The following MAST4 variants were observed in gnomAD, a reference collection of about 807,000 sequenced individuals.
The protein encoded by MAST4 is microtubule associated serine/threonine kinase family member 4.
MAST4 carries 89 observed loss-of-function variants against 162.7 expected under a neutral mutation model. That is an observed-to-expected ratio of 0.55 (90% CI 0.46 to 0.65). MAST4 has a LOEUF of 0.65. MAST4 is among the 30% of genes least tolerant of loss of function. The probability of loss-of-function intolerance (pLI) is 0.00; values close to 1 mark genes in which losing one functional copy is unlikely to be tolerated. For synonymous variants in MAST4, 1,479 were observed against 1,361.1 expected (o/e 1.09, Z -1.91); for missense variants, 3,153 against 3,374.0 (o/e 0.93, Z 1.62).
rs572999154 is a variant in MAST4 at position 66,779,514 on chromosome 5, A to G, written c.518-9156A>G. Among the ~76,000 whole-genome samples the G allele has an allele frequency of 2.0e-5, 3 of 151,740 alleles. No individual in the cohort carries two copies. In the South Asian group the frequency reaches 6.2e-4, roughly 32 times the overall value. Reference sequence around the variant, plus strand: ...TCAAATTGTATCCATTTATGCCATTAAGAAGAGTGATTTAGCAGCATTGTT... The same window carrying G: ...TCAAATTGTATCCATTTATGCCATTGAGAAGAGTGATTTAGCAGCATTGTT... On this transcript the variant is annotated intron_variant, in intron 2 of 28. Transcript: ENST00000403625.
chr5:66,634,903 C>T (rs16895357), intron 1 of MAST4, among the ~76,000 whole-genome samples: 13,698 of 152,228 alleles, frequency 0.09, 960 homozygotes, highest in East Asian at 0.43. Context: ...GGACAGTGCT[C>T]TTCAGGGCTC....
At chr5:66,987,711 G>A (rs1257268903) in intron 4 of MAST4, among the ~76,000 whole-genome samples, 1 of 152,042 alleles carries the variant, frequency 6.6e-6, no homozygotes, top group Non-Finnish European at 1.5e-5. Context: ...TCAAATATTT[G>A]GTTTGGTAGG....
At chr5:67,106,585 C>T (rs1765620958) in intron 10 of MAST4, among the ~76,000 whole-genome samples, 1 of 152,182 alleles carries the variant, frequency 6.6e-6, no homozygotes, top group African/African-American at 2.4e-5. Flanking sequence ...CCAGCTCAGA[C>T]CCTCATCCTC....
intron 4 of MAST4, among the ~76,000 whole-genome samples, chr5:66,995,003 A>G (rs1232927720): frequency 6.6e-6 from 1 of 152,236 alleles, no homozygotes; most frequent in East Asian, 1.9e-4. Flanking sequence ...TGACACATAT[A>G]TTCAAACAAA....
At chr5:67,105,756 C>A (rs553532237) in intron 10 of MAST4, among the ~76,000 whole-genome samples, 3 of 152,150 alleles carry the variant, frequency 2.0e-5, no homozygotes, top group Non-Finnish European at 4.4e-5. Flanking sequence ...CACGTGCTTA[C>A]GCTTAAAATT....
intron 1 of MAST4, among the ~76,000 whole-genome samples, chr5:66,660,966 T>C (rs1746869023): frequency 6.6e-6 from 1 of 152,230 alleles, no homozygotes; most frequent in African/African-American, 2.4e-5. Flanking sequence ...TCAATATTAA[T>C]GCTTTGCTAA....
chr5:67,066,784 G>A (rs913897866), intron 5 of MAST4, among the ~76,000 whole-genome samples: 9 of 152,118 alleles, frequency 5.9e-5, no homozygotes, highest in African/African-American at 2.2e-4. Flanking sequence ...TATTTGTGTT[G>A]TTGGGCTTTC....
At chr5:66,674,322 C>G (rs1159766422) in intron 1 of MAST4, among the ~76,000 whole-genome samples, 3 of 152,200 alleles carry the variant, frequency 2.0e-5, no homozygotes, top group African/African-American at 7.2e-5. Flanking sequence ...CAACCACCTG[C>G]TGTTTGCTGT....
intron 1 of MAST4, among the ~76,000 whole-genome samples, chr5:66,648,185 C>T (rs1300702663): frequency 1.3e-5 from 2 of 151,668 alleles, no homozygotes; most frequent in African/African-American, 4.8e-5. Context: ...AATCACAATT[C>T]TGAAGCTGCT....
intron 1 of MAST4, among the ~76,000 whole-genome samples, chr5:66,745,987 G>A (rs1580348981): frequency 6.6e-6 from 1 of 152,172 alleles, no homozygotes; most frequent in East Asian, 1.9e-4. Flanking sequence ...TAGGCAGTAG[G>A]TTGTGGGTGT....
intron 1 of MAST4, among the ~76,000 whole-genome samples, chr5:66,729,648 A>G (rs909468593): frequency 4.6e-5 from 7 of 152,310 alleles, no homozygotes; most frequent in African/African-American, 1.2e-4. Context: ...CCTGACTTGC[A>G]TAATGTTCTG....
rs948541578 is a variant in MAST4, at chr5:67,163,624, G to T, written c.4445G>T (p.Arg1482Leu). Residue 1482 changes from arginine to leucine, a missense_variant, in exon 29 of 29, where the codon CGG becomes CTG. This residue lies in a region of MAST4 where 1,644 missense variants were observed against 1,495.0 expected (regional missense o/e 1.10). Coordinates refer to ENST00000403625, the MANE Select transcript of MAST4 (RefSeq NM_001164664.2). This position sits in a 1 kb window ranked among gnomAD's most constrained non-coding sequence, Gnocchi z 7.0. Reference protein sequence around the residue: ...QEEVQREQSQREAPLQSLDEN... With the variant: ...QEEVQREQSQLEAPLQSLDEN... ...GAGGTGCAGCGGGAGCAGTCCCAGC[G>T]GGAGGCGCCGCTGCAGAGCCTGGAT... 1.2e-6 allele frequency: 2 copies of T among 1,604,538 alleles called. No homozygotes were observed. The highest frequency in any genetic ancestry group is 8.5e-7 in the Non-Finnish European group (1 of 1,176,178).
Position 67,102,579 on chromosome 5 carries a change from A to T in MAST4, c.1114A>T (p.Met372Leu). ...CTGCTGTGACCATGAAATAATTATGATGAACCATGTCTACAAAGAAAGGTT... is the reference window on the plus strand; with the variant it reads ...CTGCTGTGACCATGAAATAATTATGTTGAACCATGTCTACAAAGAAAGGTT... Reference protein sequence around the residue: ...PACCDHEIIMMNHVYKERFPK... With the variant: ...PACCDHEIIMLNHVYKERFPK... The change falls in exon 9 of 29, where the codon ATG becomes TTG. Residue 372 changes from methionine to leucine, a missense_variant. Physicochemically the swap from Met to Leu is conservative, Grantham distance 15. Around this residue, in one of 7 missense-constraint regions of MAST4, gnomAD observed 360 missense variants for 450.0 expected, o/e 0.80. Transcript: ENST00000403625. The T allele has an allele frequency of 6.2e-7, 1 of 1,614,004 alleles. No individual in the cohort carries two copies. The highest frequency in any genetic ancestry group is 8.5e-7 in the Non-Finnish European group (1 of 1,179,852).
At chr5:66,707,557 T>C (rs1750216054) in intron 1 of MAST4, among the ~76,000 whole-genome samples, 1 of 152,246 alleles carries the variant, frequency 6.6e-6, no homozygotes, top group African/African-American at 2.4e-5. Flanking sequence ...GTTGGCTCTC[T>C]TCTCTCTTTA....
intron 1 of MAST4, among the ~76,000 whole-genome samples, chr5:66,715,732 G>GAA (rs34012737): frequency 6.7e-4 from 84 of 125,382 alleles, no homozygotes; most frequent in South Asian, 3.5e-3. Context: ...GCCATGACAG[G>GAA]AAAAAAAAAA....
At chr5:66,736,216 G>A (rs16895564) in intron 1 of MAST4, among the ~76,000 whole-genome samples, 6,090 of 152,156 alleles carry the variant, frequency 0.04, 308 homozygotes, top group African/African-American at 0.12. Flanking sequence ...CTGCTTAATG[G>A]TGGTCTCCCT....
chr5:66,689,900 G>T (rs570952272), intron 1 of MAST4, among the ~76,000 whole-genome samples: 1 of 152,310 alleles, frequency 6.6e-6, no homozygotes, highest in Non-Finnish European at 1.5e-5. Context: ...CTACTGAGTA[G>T]TAGTAACCAT....
rs147415320 is a variant in MAST4, at chr5:66,666,052, G to T, written c.363+69034G>T. Among the ~76,000 whole-genome samples the T allele has an allele frequency of 1.6e-3, 241 of 152,290 alleles. 1 individual carries two copies. The highest frequency in any genetic ancestry group is 5.6e-3 in the African/African-American group (233 of 41,568). On this transcript the variant is annotated intron_variant, in intron 1 of 28. Coordinates refer to ENST00000403625, the MANE Select transcript of MAST4 (RefSeq NM_001164664.2). The stretch of plus-strand genomic sequence containing the variant: ...TTGAAATTCTAGTTTAATTGGTTTA[G>T]GTCAGATCCGAACACTTCAGTTTTC...
chr5:66,652,761 G>C (rs368498503), intron 1 of MAST4, among the ~76,000 whole-genome samples: 1 of 152,076 alleles, frequency 6.6e-6, no homozygotes, highest in African/African-American at 2.4e-5. Context: ...GCCTGACTTT[G>C]AGAATTGTCT....
Sources: allele counts gnomAD v4.1 joint callset (sites outside exome capture counted in the v4.1 genomes callset), GRCh38; gene constraint gnomAD v4.1.1; regional missense constraint gnomAD v4.1.1; non-coding constraint Gnocchi (gnomAD v3.1); transcripts MANE v1.5; gene names NCBI Gene and HGNC (gene_info 2026-07-23, HGNC 2026-07-21).